Variants in NUP88 observed in about 807,000 individuals in gnomAD.
NUP88 encodes nuclear pore complex protein Nup88.
In NUP88, 57 loss-of-function variants were observed where a neutral mutation model predicts 93.9. That is an observed-to-expected ratio of 0.61 (90% CI 0.49 to 0.76). NUP88 has a LOEUF of 0.76. Among genes scored for constraint, NUP88 ranks in the 30% least tolerant of loss-of-function variants. NUP88 has a pLI of 0.00. For missense variants in NUP88, 911 were observed against 901.0 expected (o/e 1.01, Z -0.14); for synonymous variants, 346 against 336.8 (o/e 1.03, Z -0.30).
chr17:5,386,445 G>A (rs923435110), intron 16 of NUP88, among the ~76,000 whole-genome samples, 176 bp from the exon 17 acceptor site: 1 of 152,184 alleles, frequency 6.6e-6, no homozygotes, highest in Non-Finnish European at 1.5e-5. Flanking sequence ...GGCAAACGGT[G>A]CAAGTACTGG....
chr17:5,402,881 C>A (rs1190814751), intron 7 of NUP88, among the ~76,000 whole-genome samples: 1 of 152,098 alleles, frequency 6.6e-6, no homozygotes, highest in Non-Finnish European at 1.5e-5. Flanking sequence ...GTAGTCCCAG[C>A]TACTCCAGAG....
intron 7 of NUP88, among the ~76,000 whole-genome samples, chr17:5,403,552 T>C (rs531704243): frequency 6.6e-6 from 1 of 151,618 alleles, no homozygotes; most frequent in Non-Finnish European, 1.5e-5. Flanking sequence ...TCCAGCTACT[T>C]GGGAGGCTGA....
chr17:5,408,945 A>T (rs757054341), intron 4 of NUP88, 36 bp from the exon 5 acceptor site: 4 of 1,483,964 alleles, frequency 2.7e-6, no homozygotes, highest in Middle Eastern at 1.8e-4. Flanking sequence ...TGTTAAAAAC[A>T]AAAACAACAA....
rs945261185 is a variant in NUP88, at chr17:5,384,889, T to A, written c.*1317A>T. ...ATGCAATCAATTTAAATTACGTAGGTTTAAGACTAGTCCCTTGGATAAGCC... is the reference window on the plus strand; with the variant it reads ...ATGCAATCAATTTAAATTACGTAGGATTAAGACTAGTCCCTTGGATAAGCC... On this transcript the variant is annotated 3_prime_UTR_variant, in exon 17 of 17. Coordinates refer to ENST00000573584, the MANE Select transcript of NUP88 (RefSeq NM_002532.6). 4.5e-6 allele frequency: 1 copy of A among 222,106 alleles called. No homozygotes were observed. The highest frequency in any genetic ancestry group is 5.7e-5 in the Admixed American group (1 of 17,436). The allele number at this position is 222,106 out of a possible 1,614,324, so 13.8% of individuals were successfully genotyped here.
rs1344188045 is a variant in NUP88, at chr17:5,414,064, G to A, written c.538C>T (p.Pro180Ser). 3.1e-6 allele frequency: 5 copies of A among 1,613,824 alleles called. No individual in the cohort carries two copies. Among genetic ancestry groups the A allele is most frequent in the Non-Finnish European group, 4.2e-6 (5 of 1,179,830 alleles). ...SLTLKHAAWY[P>S]SEILDPHVVL... ...ACGTGGGGATCCAGGATTTCACTTG[G>A]ATACCATGCAGCATGCTTTAGAGTC... The change falls in exon 3 of 17, where the codon CCA becomes TCA. Residue 180 changes from proline to serine, a missense_variant. Transcript: ENST00000573584.
intron 2 of NUP88, among the ~76,000 whole-genome samples, chr17:5,415,864 G>A (rs2151649121): frequency 6.6e-6 from 1 of 152,084 alleles, no homozygotes; most frequent in South Asian, 2.1e-4. Context: ...ATAAAAATAG[G>A]CCAGGTGCGG....
intron 1 of NUP88, chr17:5,418,041 G>GT (rs570972040): frequency 6.6e-6 from 1 of 151,242 alleles, no homozygotes; most frequent in African/African-American, 2.4e-5. Context: ...TCGCGGGGGG[G>GT]GCTGAGGCAG....
At chr17:5,411,139 C>T (rs1168227357) in intron 3 of NUP88, among the ~76,000 whole-genome samples, 1 of 152,166 alleles carries the variant, frequency 6.6e-6, no homozygotes, top group Admixed American at 6.5e-5. Flanking sequence ...TTCAACTACA[C>T]ACATCTATCT....
intron 3 of NUP88, among the ~76,000 whole-genome samples, chr17:5,412,385 T>C (rs1310483495): frequency 6.6e-6 from 1 of 152,126 alleles, no homozygotes; most frequent in Non-Finnish European, 1.5e-5. Context: ...ACTGGTGCAT[T>C]TCCTAGCTGA....
Position 5,405,070 on chromosome 17 carries a change from T to A in NUP88, c.1031A>T (p.Glu344Val). The A allele has an allele frequency of 6.2e-7, 1 of 1,613,892 alleles. No homozygotes were observed. Among genetic ancestry groups the A allele is most frequent in the South Asian group, 1.1e-5 (1 of 91,002 alleles). ...YHCVVLEGEE[E>V]DDHTSEKSWD... ...GCCTGCACTTACCGTGTGGTCATCT[T>A]CTTCTTCCCCTTCTAGCACGACACA... The change falls in exon 6 of 17, where the codon GAA becomes GTA. Residue 344 changes from glutamate to valine, a missense_variant. Physicochemically the swap from Glu to Val is moderately radical, Grantham distance 121. Transcript: ENST00000573584.
At position 5,408,967 on chromosome 17, in the gene NUP88, AAAAAC is replaced by A. The variant is rs973309729; in HGVS notation, c.681-63_681-59del. 2.7e-5 allele frequency: 39 copies of A among 1,450,414 alleles called. 1 individual carries two copies. The highest frequency in any genetic ancestry group is 1.1e-4 in the South Asian group (8 of 71,602). The allele number at this position is 1,450,414 out of a possible 1,614,324, so 89.8% of individuals were successfully genotyped here. ...AACAAAAACAACAAAAAGTAAAAAGAAAAACAAAACAAAACAAAAACACAAAATGT... is the reference window on the plus strand; with the variant it reads ...AACAAAAACAACAAAAAGTAAAAAGAAAAACAAAACAAAAACACAAAATGT... On this transcript the variant is annotated intron_variant, in intron 4 of 16. Transcript: ENST00000573584.
At chr17:5,409,713 A>T (rs955712534) in intron 4 of NUP88, among the ~76,000 whole-genome samples, 4 of 152,234 alleles carry the variant, frequency 2.6e-5, no homozygotes, top group African/African-American at 9.6e-5. Context: ...AGAAATAAAG[A>T]TGGAACATAA....
chr17:5,388,597 T>G (rs1329675729), intron 11 of NUP88: 1 of 494,976 alleles, frequency 2.0e-6, no homozygotes, highest in Non-Finnish European at 3.5e-6. Context: ...CTAGCCTAAC[T>G]TCTTTTTAAA....
At chr17:5,395,321 C>T (rs111983848) in intron 8 of NUP88, among the ~76,000 whole-genome samples, 5,905 of 115,812 alleles carry the variant, frequency 0.051, 185 homozygotes, top group African/African-American at 0.11. Flanking sequence ...TTTTGGATTT[C>T]ACATTTTTTT....
chr17:5,388,889 A>G lies in NUP88; in HGVS notation c.1556T>C (p.Leu519Pro), dbSNP rs1387670131. Residue 519 changes from leucine (L) to proline (P), a missense_variant, in exon 11 of 17, where the codon CTC becomes CCC. Coordinates refer to ENST00000573584, the MANE Select transcript of NUP88 (RefSeq NM_002532.6). ...REDVEVAESP[L>P]RVLAETPDSF... ...ATCTGGGGTTTCAGCCAGAACACGGAGGGGAGACTCTGCCACTTCAACATC... is the reference window on the plus strand; with the variant it reads ...ATCTGGGGTTTCAGCCAGAACACGGGGGGGAGACTCTGCCACTTCAACATC... The G allele has an allele frequency of 3.7e-6, 6 of 1,613,900 alleles. No homozygotes were observed. The highest frequency in any genetic ancestry group is 5.1e-6 in the Non-Finnish European group (6 of 1,179,932).
chr17:5,388,510 G>T, intron 11 of NUP88: 1 of 228,942 alleles, frequency 4.4e-6, no homozygotes, highest in Non-Finnish European at 8.4e-6. Context: ...GGATGGTCTC[G>T]ATCTCCTGAC....
chr17:5,412,624 G>A (rs1392014053), intron 3 of NUP88, among the ~76,000 whole-genome samples: 26 of 151,912 alleles, frequency 1.7e-4, no homozygotes, highest in Admixed American at 1.4e-3. Context: ...GGGGGGAGCT[G>A]GAAGTTCAAC....
At chr17:5,411,146 A>C (rs566205972) in intron 3 of NUP88, among the ~76,000 whole-genome samples, 1 of 152,140 alleles carries the variant, frequency 6.6e-6, no homozygotes, top group African/African-American at 2.4e-5. Context: ...ACACACATCT[A>C]TCTCTGCCTA....
intron 5 of NUP88, 42 bp from the exon 6 acceptor site, chr17:5,405,285 A>G: frequency 6.6e-7 from 1 of 1,509,296 alleles, no homozygotes; most frequent in Non-Finnish European, 9.1e-7. Context: ...TGTTGACAGT[A>G]TGCATGCTCA....
Sources: allele counts gnomAD v4.1 joint callset (sites outside exome capture counted in the v4.1 genomes callset), GRCh38; gene constraint gnomAD v4.1.1; transcripts MANE v1.5; gene names NCBI Gene and HGNC (gene_info 2026-07-23, HGNC 2026-07-21).